DMGDH: variants seen among roughly 807,000 people sequenced by gnomAD.
DMGDH encodes dimethylglycine dehydrogenase.
DMGDH carries 76 observed loss-of-function variants against 95.2 expected under a neutral mutation model. That is an observed-to-expected ratio of 0.80 (90% CI 0.66 to 0.97). The LOEUF (loss-of-function observed/expected upper bound fraction) is 0.97, where lower values mean the gene tolerates loss of function less well. Among genes scored for constraint, DMGDH ranks in the 50% least tolerant of loss-of-function variants. The probability of loss-of-function intolerance (pLI) is 0.00; values close to 1 mark genes in which losing one functional copy is unlikely to be tolerated. For synonymous variants in DMGDH, 345 were observed against 377.6 expected (o/e 0.91, Z 1.00); for missense variants, 987 against 1,055.0 (o/e 0.94, Z 0.89).
chr5:79,005,115 T>C (rs542346957), intron 15 of DMGDH, among the ~76,000 whole-genome samples, 158 bp downstream of exon 15: 7 of 152,350 alleles, frequency 4.6e-5, no homozygotes, highest in African/African-American at 1.4e-4. Context: ...TTTCAGTCAA[T>C]TGCGTTCTGT....
chr5:79,025,383 T>C (rs1192210161), intron 13 of DMGDH, among the ~76,000 whole-genome samples: 2 of 152,144 alleles, frequency 1.3e-5, no homozygotes, highest in African/African-American at 4.8e-5. Flanking sequence ...TCCCCAGTTG[T>C]AGCTAGAGAA....
intron 14 of DMGDH, among the ~76,000 whole-genome samples, chr5:79,018,577 A>T (rs531170305): frequency 1.1e-4 from 16 of 152,174 alleles, no homozygotes; most frequent in Non-Finnish European, 2.4e-4. Flanking sequence ...GATGAGGGAT[A>T]GGTTTACTAT....
chr5:79,034,644 A>G (rs879574881), intron 7 of DMGDH, among the ~76,000 whole-genome samples: 2 of 152,246 alleles, frequency 1.3e-5, no homozygotes, highest in Non-Finnish European at 2.9e-5. Flanking sequence ...CAACTTAGCC[A>G]GAACCACAGC....
At chr5:79,031,100 G>A (rs1265576061) in intron 9 of DMGDH, 102 bp from the exon 10 acceptor site, 3 of 666,448 alleles carry the variant, frequency 4.5e-6, no homozygotes, top group Non-Finnish European at 6.3e-6. Context: ...AAAATCCTAC[G>A]GGCAGCGGGG....
chr5:79,044,977 C>T (rs895044216), intron 5 of DMGDH, among the ~76,000 whole-genome samples: 1 of 152,124 alleles, frequency 6.6e-6, no homozygotes, highest in African/African-American at 2.4e-5. Flanking sequence ...TTGCTGTGAC[C>T]AACATAATAC....
rs41272262 is a variant in DMGDH at position 79,005,349 on chromosome 5, C to T, written c.2309G>A (p.Arg770Gln). The T allele has an allele frequency of 2.2e-3, 3,498 of 1,613,942 alleles. 8 individuals are homozygous for T. Among genetic ancestry groups the T allele is most frequent in the Middle Eastern group, 3.3e-3 (20 of 6,060 alleles). ...LKQIKAKGLKRRLVCLTLATD... is the reference protein window; with the variant it reads ...LKQIKAKGLKQRLVCLTLATD... ...TGCCAAGGTGAGGCAGACCAGTCTT[C>T]GTTTCAGCCCCTTGGCTTTAATCTG... The change falls in exon 15 of 16, where the codon CGA (arginine) becomes CAA (glutamine). Residue 770 changes from arginine (R) to glutamine (Q), a missense_variant. Arg to Gln is a conservative substitution (Grantham distance 43, BLOSUM62 1). Transcript: ENST00000255189.
At chr5:79,037,822 T>C (rs1020960751) in intron 7 of DMGDH, among the ~76,000 whole-genome samples, 1 of 152,166 alleles carries the variant, frequency 6.6e-6, no homozygotes, top group Non-Finnish European at 1.5e-5. Flanking sequence ...AAAATTCAAT[T>C]GGAATATCAA....
rs193210109 is a variant in DMGDH at position 79,024,325 on chromosome 5, G to C, written c.2196C>G (p.Asn732Lys). Residue 732 changes from asparagine (N) to lysine (K), a missense_variant, in exon 14 of 16, where the codon AAC becomes AAG. Transcript: ENST00000255189. ...KAFRAWGLEM[N>K]CDTNPLEAGL... ...CAGCTTCCAAAGGATTTGTATCACA[G>C]TTCATCTAAAAAGGAAACACACATT... The C allele has an allele frequency of 7.4e-6, 12 of 1,613,382 alleles. No individual in the cohort carries two copies. Among genetic ancestry groups the C allele is most frequent in the Non-Finnish European group, 8.5e-6 (10 of 1,179,522 alleles).
intron 2 of DMGDH, 127 bp downstream of exon 2, chr5:79,063,486 C>T: frequency 1.9e-6 from 2 of 1,046,510 alleles, no homozygotes; most frequent in East Asian, 4.9e-5. Context: ...ACTACAACTG[C>T]ACTTCCAACG....
chr5:79,016,792 T>C (rs1006121473), intron 14 of DMGDH, among the ~76,000 whole-genome samples: 2 of 152,182 alleles, frequency 1.3e-5, no homozygotes, highest in African/African-American at 2.4e-5. Context: ...CACAACCTTA[T>C]TTGAGCAACA....
intron 1 of DMGDH, among the ~76,000 whole-genome samples, chr5:79,064,384 T>C (rs1230806049): frequency 2.6e-5 from 4 of 151,196 alleles, no homozygotes; most frequent in Non-Finnish European, 5.9e-5. Flanking sequence ...TTTAAAATTG[T>C]ACAGCTGTCT....
At chr5:79,056,446 G>A (rs1034204952) in intron 2 of DMGDH, among the ~76,000 whole-genome samples, 1 of 152,164 alleles carries the variant, frequency 6.6e-6, no homozygotes, top group Admixed American at 6.6e-5. Flanking sequence ...GGGAGGCTGA[G>A]GCAGCAGAAT....
Position 79,042,315 on chromosome 5 carries a change from C to G in DMGDH, c.1161G>C (p.Gly387=), listed in dbSNP as rs776599468. 5 of 1,614,162 alleles carry G rather than the reference C, an allele frequency of 3.1e-6. No homozygotes were observed. Among genetic ancestry groups the G allele is most frequent in the Non-Finnish European group, 4.2e-6 (5 of 1,180,016 alleles). Residue 387 remains glycine (G), a synonymous_variant, in exon 7 of 16, where the codon GGG becomes GGC. Transcript: ENST00000255189. ...CTATAGCCACCCAGTAGTTTCTGACCCCCTGATGGGGCCCCACCATAGGCA... is the reference window on the plus strand; with the variant it reads ...CTATAGCCACCCAGTAGTTTCTGACGCCCTGATGGGGCCCCACCATAGGCA... ...DILPMVGPHQ[G]VRNYWVAIGF...
intron 5 of DMGDH, among the ~76,000 whole-genome samples, chr5:79,046,988 A>G (rs1167913321): frequency 6.6e-6 from 1 of 152,204 alleles, no homozygotes; most frequent in Non-Finnish European, 1.5e-5. Context: ...ATGCAGAAAT[A>G]TCTTATCACT....
chr5:79,054,352 T>G lies in DMGDH; in HGVS notation c.376-4A>C. The stretch of plus-strand genomic sequence containing the variant: ...CTGGCTGATGGAATCCCACCACCTG[T>G]GACAATAATTCCAGTGAGAGCATAT... On this transcript the variant is annotated splice_region_variant and splice_polypyrimidine_tract_variant and intron_variant, in intron 3 of 15. Coordinates refer to ENST00000255189, the MANE Select transcript of DMGDH (RefSeq NM_013391.3). The G allele has an allele frequency of 1.2e-6, 2 of 1,614,008 alleles. No homozygotes were observed. Among genetic ancestry groups the G allele is most frequent in the Non-Finnish European group, 1.7e-6 (2 of 1,179,924 alleles).
At chr5:79,053,569 C>T (rs1418237904) in intron 4 of DMGDH, among the ~76,000 whole-genome samples, 5 of 149,790 alleles carry the variant, frequency 3.3e-5, no homozygotes, top group Non-Finnish European at 5.9e-5. Context: ...CATGTAAGGA[C>T]TTAGCATACT....
chr5:79,026,391 T>A (rs1458322104), intron 13 of DMGDH, 33 bp downstream of exon 13: 1 of 1,613,634 alleles, frequency 6.2e-7, no homozygotes, highest in African/African-American at 1.3e-5. Flanking sequence ...TAAATAAACA[T>A]AAAATGTTAA....
chr5:79,052,906 C>T lies in DMGDH; in HGVS notation c.540+1278G>A, dbSNP rs558640741. Among the ~76,000 whole-genome samples, 18 of 152,202 alleles carry T rather than the reference C, an allele frequency of 1.2e-4. No homozygotes were observed. In the East Asian group the frequency reaches 3.5e-3, roughly 29 times the overall value. ...TAGCACCCAAGTCAATGATACAAACCCTCAGAGATGGGAACTGCTGCAGTG... is the reference window on the plus strand; with the variant it reads ...TAGCACCCAAGTCAATGATACAAACTCTCAGAGATGGGAACTGCTGCAGTG... On this transcript the variant is annotated intron_variant, in intron 4 of 15. Transcript: ENST00000255189.
chr5:79,046,849 T>C (rs1445957075), intron 5 of DMGDH, among the ~76,000 whole-genome samples: 2 of 152,174 alleles, frequency 1.3e-5, no homozygotes, highest in African/African-American at 4.8e-5. Flanking sequence ...GTATCCCCAA[T>C]ATATTTGTTT....
Sources: gnomAD v4.1 joint callset for allele counts (sites outside exome capture counted in the v4.1 genomes callset) on GRCh38, gnomAD v4.1.1 for gene constraint, MANE v1.5 for transcripts, NCBI Gene and HGNC (gene_info 2026-07-23, HGNC 2026-07-21) for gene names.